ANOS1: variants seen among roughly 807,000 people sequenced by gnomAD.
ANOS1 encodes the protein anosmin-1.
A neutral mutation model predicts 59.0 loss-of-function variants in ANOS1; 6 were observed. The observed-to-expected ratio is 0.10, with a 90% CI of 0.06 to 0.20. The LOEUF is 0.20. Ranked by LOEUF, ANOS1 falls within the 10% of genes least tolerant of loss-of-function variation. The pLI is 1.00. For synonymous variants in ANOS1, 217 were observed against 223.4 expected (o/e 0.97, Z 0.25); for missense variants, 433 against 542.3 (o/e 0.80, Z 2.00).
intron 2 of ANOS1, among the ~76,000 whole-genome samples, chrX:8,680,605 A>G (rs898031037): frequency 9.0e-6 from 1 of 111,321 alleles, no homozygotes; most frequent in Non-Finnish European, 1.9e-5. Context: ...CTCCTATTTT[A>G]TACAACTTAA....
intron 8 of ANOS1, among the ~76,000 whole-genome samples, chrX:8,565,082 A>G (rs1190525952): frequency 8.9e-6 from 1 of 111,962 alleles, no homozygotes; most frequent in East Asian, 2.8e-4. Flanking sequence ...GGACCATGAC[A>G]AGGCTCTAGA....
chrX:8,598,284 A>G (rs1930779304), intron 3 of ANOS1, among the ~76,000 whole-genome samples: 1 of 111,984 alleles, frequency 8.9e-6, no homozygotes, highest in African/African-American at 3.2e-5. Flanking sequence ...TGAGAATAGG[A>G]AGCCCTGGAC....
intron 1 of ANOS1, among the ~76,000 whole-genome samples, chrX:8,728,145 T>C (rs897271501): frequency 1.2e-4 from 13 of 111,981 alleles, no homozygotes; most frequent in African/African-American, 2.6e-4. Context: ...ATCTTAAAAA[T>C]AGAAACAAAA....
At chrX:8,564,823 A>C (rs949572916) in intron 8 of ANOS1, among the ~76,000 whole-genome samples, 1 of 111,739 alleles carries the variant, frequency 8.9e-6, no homozygotes, top group African/African-American at 3.3e-5. Context: ...TGTAATAGAT[A>C]TGTTTATATT....
intron 2 of ANOS1, among the ~76,000 whole-genome samples, chrX:8,695,347 C>A (rs1031009525): frequency 9.0e-6 from 1 of 111,634 alleles, no homozygotes; most frequent in East Asian, 2.8e-4. Context: ...CTGAATCATC[C>A]GAGACTGAAA....
In ANOS1 at chrX:8,539,694, G is replaced by A. The variant is rs781745609; in HGVS notation, c.1419C>T (p.Thr473=). The change falls in exon 10 of 14, where the codon ACC becomes ACT. Residue 473 remains threonine, a synonymous_variant. Transcript: ENST00000262648. ...TCATGCCAGATGATGCCTCTGATCC[G>A]GTTGTTCTGTTGTGGGCACACGCTT... The part of the protein sequence containing the change: ...FPEACAHNRT[T]GSEASSGMTH... 18 of 1,209,419 alleles carry A rather than the reference G, an allele frequency of 1.5e-5. No individual in the cohort carries two copies. The highest frequency in any genetic ancestry group is 1.1e-4 in the African/African-American group (6 of 56,964).
intron 2 of ANOS1, among the ~76,000 whole-genome samples, chrX:8,651,150 C>G (rs1255795696): frequency 8.9e-6 from 1 of 112,266 alleles, no homozygotes; most frequent in Non-Finnish European, 1.9e-5. Flanking sequence ...CTGAGGGCGG[C>G]CAAGCCACAG....
rs772802620 is a variant in ANOS1 at position 8,576,467 on chromosome X, T to TAC, written c.857-5765_857-5764dup. Among the ~76,000 whole-genome samples, 518 of 100,034 alleles carry TAC rather than the reference T, an allele frequency of 5.2e-3. 2 individuals are homozygous for TAC. The highest frequency in any genetic ancestry group is 0.02 in the East Asian group (64 of 3,202). 86.9% of individuals were successfully genotyped at this position (100,034 alleles called of 115,157 possible). On this transcript the variant is annotated intron_variant, in intron 6 of 13. Transcript: ENST00000262648. ...TCCATGTGAAATTTATATATATATA[T>TAC]ACACACACACACACACACACACATA...
At chrX:8,611,009 T>C (rs1931047164) in intron 3 of ANOS1, among the ~76,000 whole-genome samples, 1 of 110,231 alleles carries the variant, frequency 9.1e-6, no homozygotes, top group Non-Finnish European at 1.9e-5. Context: ...GGACCAGAAA[T>C]TATAGAAATG....
At chrX:8,555,435 C>G (rs1055401388) in intron 8 of ANOS1, among the ~76,000 whole-genome samples, 4 of 111,131 alleles carry the variant, frequency 3.6e-5, no homozygotes, top group Non-Finnish European at 7.5e-5. Context: ...ATCAATGAAT[C>G]CAGAAGCTGG....
At chrX:8,561,835 T>A (rs1210092165) in intron 8 of ANOS1, among the ~76,000 whole-genome samples, 1 of 111,832 alleles carries the variant, frequency 8.9e-6, no homozygotes, top group Non-Finnish European at 1.9e-5. Flanking sequence ...GGACAGATAA[T>A]CAGTTTAGAT....
At position 8,676,780 on chromosome X, in the gene ANOS1, C is replaced by A. The variant is rs1028307240; in HGVS notation, c.255+22918G>T. 2.7e-5 allele frequency among the ~76,000 whole-genome samples: 3 copies of A among 111,819 alleles called. No homozygotes were observed. In the Admixed American group the frequency reaches 2.8e-4, roughly 11 times the overall value. ...TACAGTGTTACAAAATTAAATGAGA[C>A]AATTTATGACAAACCATTTGTCGAT... On this transcript the variant is annotated intron_variant, in intron 2 of 13. Transcript: ENST00000262648.
chrX:8,569,637 C>G lies in ANOS1; in HGVS notation c.1062+862G>C, dbSNP rs5978905. ...AGTCTGAGAGACAGAGCGAGACTCC[C>G]TCTCAAAAATAAATAAATAAAGTTA... On this transcript the variant is annotated intron_variant, in intron 7 of 13. Transcript: ENST00000262648. 1.3e-4 allele frequency among the ~76,000 whole-genome samples: 14 copies of G among 110,859 alleles called. No individual in the cohort carries two copies. In the East Asian group the frequency reaches 1.7e-3, roughly 14 times the overall value.
chrX:8,681,413 G>T (rs189916839), intron 2 of ANOS1, among the ~76,000 whole-genome samples: 1 of 112,191 alleles, frequency 8.9e-6, no homozygotes, highest in African/African-American at 3.2e-5. Flanking sequence ...ATGTGAAGAT[G>T]AATATTTACG....
chrX:8,623,401 T>C (rs1318062031), intron 3 of ANOS1, among the ~76,000 whole-genome samples: 7 of 111,114 alleles, frequency 6.3e-5, no homozygotes, highest in Non-Finnish European at 9.4e-5. Flanking sequence ...TTTTTTGGTC[T>C]GGTTAGCCAA....
intron 2 of ANOS1, among the ~76,000 whole-genome samples, chrX:8,647,045 G>A (rs746464675): frequency 1.8e-5 from 2 of 110,105 alleles, no homozygotes; most frequent in Non-Finnish European, 3.8e-5. Context: ...AGCATAGAAC[G>A]CTTTGTTCTA....
intron 2 of ANOS1, among the ~76,000 whole-genome samples, chrX:8,650,751 A>T (rs1931838295): frequency 8.9e-6 from 1 of 111,760 alleles, no homozygotes; most frequent in South Asian, 3.8e-4. Context: ...GATGAGAATG[A>T]ATTATCGCCC....
chrX:8,559,644 C>A (rs1198546551), intron 8 of ANOS1, among the ~76,000 whole-genome samples: 1 of 111,382 alleles, frequency 9.0e-6, no homozygotes, highest in Non-Finnish European at 1.9e-5. Context: ...TTGTGCCATT[C>A]CTAATTCCCC....
chrX:8,658,930 T>TA (rs1426070748), intron 2 of ANOS1, among the ~76,000 whole-genome samples: 1 of 110,276 alleles, frequency 9.1e-6, no homozygotes, highest in African/African-American at 3.3e-5. Flanking sequence ...TCTACAGAAA[T>TA]AAAAAATTAG....
Sources: allele counts gnomAD v4.1 joint callset (sites outside exome capture counted in the v4.1 genomes callset), GRCh38; gene constraint gnomAD v4.1.1; transcripts MANE v1.5; gene names NCBI Gene and HGNC (gene_info 2026-07-23, HGNC 2026-07-21).